The following KCNIP4 variants were observed in gnomAD, a reference collection of about 807,000 sequenced individuals.
The protein encoded by KCNIP4 is potassium voltage-gated channel interacting protein 4, also known as Kv channel-interacting protein 4.
KCNIP4 carries 12 observed loss-of-function variants against 34.0 expected under a neutral mutation model. The ratio of observed to expected loss-of-function variants is 0.35; its 90% CI spans 0.23 to 0.57. The LOEUF is 0.57. Ranked by LOEUF, KCNIP4 falls within the 20% of genes least tolerant of loss-of-function variation. The probability of loss-of-function intolerance (pLI) is 0.83; values close to 1 mark genes in which losing one functional copy is unlikely to be tolerated. For missense variants in KCNIP4, 238 were observed against 311.7 expected, an observed-to-expected ratio of 0.76 and a Z score of 1.78; for synonymous variants, 124 against 102.2, an observed-to-expected ratio of 1.21 and a Z score of -1.29.
At chr4:21,839,055 A>T (rs575765825) in intron 1 of KCNIP4, among the ~76,000 whole-genome samples, 1 of 152,294 alleles carries the variant, frequency 6.6e-6, no homozygotes, top group South Asian at 2.1e-4. Flanking sequence ...TTTAGAAGGA[A>T]ATATGCCTCT....
At chr4:21,659,582 T>C (rs1032916211) in intron 1 of KCNIP4, among the ~76,000 whole-genome samples, 7 of 152,190 alleles carry the variant, frequency 4.6e-5, no homozygotes, top group African/African-American at 1.2e-4. Flanking sequence ...CATTTCTTCA[T>C]CTAGAGATTT....
chr4:21,923,877 C>CT (rs1729081561), intron 1 of KCNIP4, among the ~76,000 whole-genome samples: 1 of 152,174 alleles, frequency 6.6e-6, no homozygotes, highest in Non-Finnish European at 1.5e-5. Flanking sequence ...TAGTTCTTGT[C>CT]TATCCATACC....
intron 1 of KCNIP4, among the ~76,000 whole-genome samples, chr4:21,823,160 T>C (rs1722470603): frequency 6.6e-6 from 1 of 152,146 alleles, no homozygotes; most frequent in African/African-American, 2.4e-5. Flanking sequence ...TTCTTTCTTT[T>C]CTGAAATTCA....
chr4:20,908,098 C>CTTT (rs11364819), intron 1 of KCNIP4, among the ~76,000 whole-genome samples: 7 of 109,178 alleles, frequency 6.4e-5, no homozygotes, highest in South Asian at 3.1e-4. Context: ...TGTCATCATT[C>CTTT]TTTTTTTTTT....
At chr4:20,770,418 T>C (rs1038620149) in intron 3 of KCNIP4, among the ~76,000 whole-genome samples, 5 of 151,854 alleles carry the variant, frequency 3.3e-5, no homozygotes, top group Non-Finnish European at 7.4e-5. Flanking sequence ...TTTTAGATTT[T>C]ACTAATTGAT....
At position 20,735,571 on chromosome 4, in the gene KCNIP4, C is replaced by T. The variant is rs372617303; in HGVS notation, c.430-836G>A. Among the ~76,000 whole-genome samples the T allele has an allele frequency of 2.3e-3, 331 of 144,214 alleles. 8 individuals carry two copies. In the South Asian group the frequency reaches 0.044, roughly 19 times the overall value. The allele number at this position is 144,214 out of a possible 152,430, so 94.6% of individuals were successfully genotyped here. A position where few individuals can be genotyped will look rare whatever the true frequency, so the allele number is the denominator to read the frequency against. On this transcript the variant is annotated intron_variant, in intron 5 of 8. Coordinates refer to ENST00000382152, the MANE Select transcript of KCNIP4 (RefSeq NM_025221.6). ...TTGAGATGGAATCTCGCACTGTTGCCCAGGCTGGAGTGCAGTGGCACAATC... is the reference window on the plus strand; with the variant it reads ...TTGAGATGGAATCTCGCACTGTTGCTCAGGCTGGAGTGCAGTGGCACAATC...
chr4:20,810,450 G>A (rs909570972), intron 3 of KCNIP4, among the ~76,000 whole-genome samples: 3 of 131,492 alleles, frequency 2.3e-5, no homozygotes, highest in African/African-American at 8.3e-5. Flanking sequence ...TACAGGGCAG[G>A]GGGGAGGAAG....
intron 1 of KCNIP4, among the ~76,000 whole-genome samples, chr4:21,184,729 A>G (rs1437309148): frequency 1.3e-5 from 2 of 152,208 alleles, no homozygotes; most frequent in Admixed American, 6.5e-5. Context: ...AAATACATTT[A>G]TCAATTATGG....
intron 1 of KCNIP4, among the ~76,000 whole-genome samples, chr4:21,624,679 T>C (rs1049667386): frequency 6.6e-6 from 1 of 152,076 alleles, no homozygotes; most frequent in Non-Finnish European, 1.5e-5. Flanking sequence ...CAGATAATAA[T>C]AAATAGCTCT....
intron 1 of KCNIP4, chr4:21,697,785 A>G (rs1179699921): frequency 4.3e-6 from 2 of 463,970 alleles, no homozygotes; most frequent in East Asian, 1.0e-4. Context: ...GCAACCTCAC[A>G]GACCATTCAG....
intron 1 of KCNIP4, among the ~76,000 whole-genome samples, chr4:21,172,076 G>T (rs1754059027): frequency 6.6e-6 from 1 of 152,176 alleles, no homozygotes; most frequent in South Asian, 2.1e-4. Flanking sequence ...TGCCAAGGCT[G>T]CAGTGCAGTG....
chr4:21,478,355 C>T (rs977950683), intron 1 of KCNIP4, among the ~76,000 whole-genome samples: 2 of 152,078 alleles, frequency 1.3e-5, no homozygotes, highest in South Asian at 2.1e-4. Flanking sequence ...TAAAAATTTT[C>T]CTTAGTGCCT....
chr4:21,776,206 C>T (rs1577973104), intron 1 of KCNIP4, among the ~76,000 whole-genome samples: 2 of 152,316 alleles, frequency 1.3e-5, no homozygotes, highest in East Asian at 3.9e-4. Flanking sequence ...CCGTGTGGCT[C>T]TGAGGTAAGC....
chr4:21,296,051 G>T (rs1218984578), intron 1 of KCNIP4, among the ~76,000 whole-genome samples: 2 of 152,120 alleles, frequency 1.3e-5, no homozygotes, highest in Non-Finnish European at 2.9e-5. Flanking sequence ...TATCTGTTCT[G>T]CTTATGGCTG....
At chr4:21,384,784 A>G (rs994294442) in intron 1 of KCNIP4, among the ~76,000 whole-genome samples, 4 of 152,238 alleles carry the variant, frequency 2.6e-5, no homozygotes, top group African/African-American at 9.6e-5. Flanking sequence ...GGCCACATCT[A>G]CATCACATAG....
At chr4:21,376,977 T>A (rs2109459945) in intron 1 of KCNIP4, among the ~76,000 whole-genome samples, 1 of 152,326 alleles carries the variant, frequency 6.6e-6, no homozygotes, top group South Asian at 2.1e-4. Flanking sequence ...TTCTTTACGA[T>A]CAAACGAAGC....
chr4:21,101,012 G>A (rs1747887903), intron 1 of KCNIP4, among the ~76,000 whole-genome samples: 1 of 152,130 alleles, frequency 6.6e-6, no homozygotes, highest in South Asian at 2.1e-4. Context: ...TTTCTTACAT[G>A]CACATATTGC....
intron 1 of KCNIP4, among the ~76,000 whole-genome samples, chr4:21,127,261 T>C (rs1457614340): frequency 2.6e-5 from 4 of 152,170 alleles, no homozygotes; most frequent in East Asian, 3.9e-4. Context: ...TCTCTGGGAT[T>C]AACTGGCTTT....
chr4:21,274,977 T>A (rs1030041538), intron 1 of KCNIP4, among the ~76,000 whole-genome samples: 9 of 152,142 alleles, frequency 5.9e-5, no homozygotes, highest in African/African-American at 2.2e-4. Flanking sequence ...TTAAAAGAAA[T>A]TGATCCTCTA....
Sources: allele counts gnomAD v4.1 joint callset (sites outside exome capture counted in the v4.1 genomes callset), GRCh38; gene constraint gnomAD v4.1.1; transcripts MANE v1.5; gene names NCBI Gene and HGNC (gene_info 2026-07-23, HGNC 2026-07-21).